Variants in ALKBH1 observed in about 807,000 individuals in gnomAD.
The protein encoded by ALKBH1 is nucleic acid dioxygenase ALKBH1.
ALKBH1 carries 31 observed loss-of-function variants against 36.6 expected under a neutral mutation model. The observed-to-expected ratio is 0.85, with a 90% CI of 0.64 to 1.14. The LOEUF is 1.14. ALKBH1 is among the 50% of genes most tolerant of loss of function. ALKBH1 has a pLI of 0.00. For synonymous variants in ALKBH1, 183 were observed against 186.6 expected (o/e 0.98, Z 0.16); for missense variants, 490 against 497.3 (o/e 0.99, Z 0.14).
chr14:77,686,080 A>G (rs1008948780), intron 3 of ALKBH1, among the ~76,000 whole-genome samples: 3 of 152,182 alleles, frequency 2.0e-5, no homozygotes, highest in Non-Finnish European at 2.9e-5. Context: ...TCTGCCTTCA[A>G]TATGTTGAGA....
intron 3 of ALKBH1, among the ~76,000 whole-genome samples, chr14:77,684,202 AG>A (rs2080255002): frequency 6.6e-6 from 1 of 152,216 alleles, no homozygotes; most frequent in African/African-American, 2.4e-5. Context: ...CAGCAGGTCT[AG>A]GGTGGGGGCC....
At chr14:77,688,812 T>A (rs1168015357) in intron 3 of ALKBH1, among the ~76,000 whole-genome samples, 1 of 151,966 alleles carries the variant, frequency 6.6e-6, no homozygotes, top group Non-Finnish European at 1.5e-5. Flanking sequence ...CCTCAGGTGA[T>A]CCCCCCACCT....
chr14:77,686,724 A>G (rs1318212939), intron 3 of ALKBH1, among the ~76,000 whole-genome samples: 1 of 152,178 alleles, frequency 6.6e-6, no homozygotes, highest in Non-Finnish European at 1.5e-5. Context: ...CCTGGGTTCA[A>G]GTGATTCTCC....
At chr14:77,690,705 C>T (rs1343204097) in intron 3 of ALKBH1, among the ~76,000 whole-genome samples, 4 of 151,850 alleles carry the variant, frequency 2.6e-5, no homozygotes, top group African/African-American at 7.3e-5. Flanking sequence ...GGATATGTCA[C>T]GTTAGATTTA....
chr14:77,674,151 T>G lies in ALKBH1; in HGVS notation c.831A>C (p.Ile277=), dbSNP rs2080192145. ...TCAAGAGGCGGCTGAAACCCGACAT[T>G]ATCATGATGTCACCACTGTGCATAA... ...AMFMHSGDIM[I]MSGFSRLLNH... Residue 277 remains isoleucine, a synonymous_variant, in exon 6 of 6, where the codon ATA becomes ATC. Transcript: ENST00000216489. 1 of 1,614,058 alleles carries G rather than the reference T, an allele frequency of 6.2e-7. No homozygotes were observed. Among genetic ancestry groups the G allele is most frequent in the Admixed American group, 1.7e-5 (1 of 59,998 alleles).
chr14:77,694,628 A>G lies in ALKBH1; in HGVS notation c.455+110T>C, dbSNP rs2080316793. 3.2e-6 allele frequency: 3 copies of G among 942,544 alleles called. No homozygotes were observed. In the East Asian group the frequency reaches 8.7e-5, roughly 27 times the overall value. 58.4% of individuals were successfully genotyped at this position (942,544 alleles called of 1,614,324 possible). ...TTTTGCTTGGAAACAATGAAGGGAAAAAAAAACCCAGCCAGTCACTTTTAC... is the reference window on the plus strand; with the variant it reads ...TTTTGCTTGGAAACAATGAAGGGAAGAAAAAACCCAGCCAGTCACTTTTAC... On this transcript the variant is annotated intron_variant, in intron 3 of 5. Coordinates refer to ENST00000216489, the MANE Select transcript of ALKBH1 (RefSeq NM_006020.3).
At chr14:77,706,684 T>C (rs12892669) in intron 1 of ALKBH1, among the ~76,000 whole-genome samples, 48,881 of 152,126 alleles carry the variant, frequency 0.32, 8,928 homozygotes, top group East Asian at 0.5. Flanking sequence ...GTACATATTA[T>C]GGTAAAATGT....
chr14:77,694,941 T>G, intron 2 of ALKBH1, 41 bp from the exon 3 acceptor site: 30 of 1,371,360 alleles, frequency 2.2e-5, no homozygotes, highest in Non-Finnish European at 2.7e-5. Flanking sequence ...GAGGGGGAAA[T>G]TCTCCATCAG....
At chr14:77,704,331 T>G in intron 2 of ALKBH1, 38 bp downstream of exon 2, 6 of 1,397,614 alleles carry the variant, frequency 4.3e-6, no homozygotes, top group Non-Finnish European at 6.1e-6. Context: ...CATAAATGAT[T>G]GAGTGATATT....
intron 2 of ALKBH1, among the ~76,000 whole-genome samples, chr14:77,698,687 T>C (rs555978582): frequency 1.3e-5 from 2 of 152,364 alleles, no homozygotes; most frequent in African/African-American, 4.8e-5. Context: ...CCAGATCTAG[T>C]CTAGACCAGA....
chr14:77,694,764 C>T lies in ALKBH1; in HGVS notation c.429G>A (p.Leu143=). The part of the protein sequence containing the change: ...KHMSKEETQD[L]WEQSKEFLRY... Reference sequence around the variant, plus strand: ...TCAGGAACTCTTTGCTCTGTTCCCACAGATCTTGGGTCTCTTCTTTAGACA... The same window carrying T: ...TCAGGAACTCTTTGCTCTGTTCCCATAGATCTTGGGTCTCTTCTTTAGACA... The change falls in exon 3 of 6, where the codon CTG becomes CTA. Residue 143 remains leucine, a synonymous_variant. Coordinates refer to ENST00000216489, the MANE Select transcript of ALKBH1 (RefSeq NM_006020.3). The T allele has an allele frequency of 6.2e-7, 1 of 1,601,022 alleles. No individual in the cohort carries two copies. The highest frequency in any genetic ancestry group is 8.5e-7 in the Non-Finnish European group (1 of 1,174,980).
At chr14:77,685,156 T>A (rs932223626) in intron 3 of ALKBH1, among the ~76,000 whole-genome samples, 1 of 152,124 alleles carries the variant, frequency 6.6e-6, no homozygotes, top group African/African-American at 2.4e-5. Context: ...CAAAATAACA[T>A]CTCTCACTGG....
intron 3 of ALKBH1, chr14:77,683,393 T>C (rs540111526): frequency 1.0e-5 from 8 of 780,506 alleles, no homozygotes; most frequent in African/African-American, 8.5e-5. Flanking sequence ...GAGTGCTTAA[T>C]GTGCTCAATG....
chr14:77,698,170 T>C (rs2080338442), intron 2 of ALKBH1, among the ~76,000 whole-genome samples: 1 of 152,062 alleles, frequency 6.6e-6, no homozygotes. Context: ...TAGTTTTTGG[T>C]TTTTAAGGAC....
chr14:77,675,811 G>C lies in ALKBH1; in HGVS notation c.585C>G (p.Asp195Glu), dbSNP rs145967498. 1 of 1,613,934 alleles carries C rather than the reference G, an allele frequency of 6.2e-7. No homozygotes were observed. The highest frequency in any genetic ancestry group is 1.7e-5 in the Admixed American group (1 of 60,002). The change falls in exon 5 of 6, where the codon GAC becomes GAG. Residue 195 changes from aspartate (D) to glutamate (E), a missense_variant. Transcript: ENST00000216489. Reference sequence around the variant, plus strand: ...CTACTTGCTCTGAGAGGAAACCCAGGTCAGAAGGGAAAGGTGTGTAATGAT... The same window carrying C: ...CTACTTGCTCTGAGAGGAAACCCAGCTCAGAAGGGAAAGGTGTGTAATGAT... ...SADHYTPFPS[D>E]LGFLSEQVAA...
chr14:77,694,674 C>T, intron 3 of ALKBH1, 64 bp downstream of exon 3: 1 of 1,325,908 alleles, frequency 7.5e-7, no homozygotes, highest in African/African-American at 1.5e-5. Flanking sequence ...TAGAACAGTT[C>T]CTTCAAAGAC....
chr14:77,677,121 C>T (rs60018679), intron 4 of ALKBH1, among the ~76,000 whole-genome samples: 1 of 151,874 alleles, frequency 6.6e-6, no homozygotes, highest in East Asian at 1.9e-4. Context: ...CTCACTGCAA[C>T]CTCTGCCTCC....
rs575808701 is a variant in ALKBH1 at position 77,702,001 on chromosome 14, A to G, written c.292+2368T>C. ...TAGAGCAACAGAGAATCATGGCCTT[A>G]AAAATAGGTACTAGAGGCCGGGCGT... On this transcript the variant is annotated intron_variant, in intron 2 of 5. Transcript: ENST00000216489. Among the ~76,000 whole-genome samples the G allele has an allele frequency of 1.1e-4, 17 of 152,246 alleles. No individual in the cohort carries two copies. In the South Asian group the frequency reaches 3.3e-3, roughly 30 times the overall value.
chr14:77,682,729 A>G (rs2267764), intron 3 of ALKBH1, among the ~76,000 whole-genome samples: 71,365 of 151,918 alleles, frequency 0.47, 16,998 homozygotes, highest in African/African-American at 0.5. Flanking sequence ...ACTGTGTCTC[A>G]TTTTGTCACC....
Sources: gnomAD v4.1 joint callset for allele counts (sites outside exome capture counted in the v4.1 genomes callset) on GRCh38, gnomAD v4.1.1 for gene constraint, MANE v1.5 for transcripts, NCBI Gene and HGNC (gene_info 2026-07-23, HGNC 2026-07-21) for gene names.